Variants in C10orf67 observed in about 807,000 individuals in gnomAD.
The protein encoded by C10orf67 is uncharacterized protein C10orf67, mitochondrial.
C10orf67 carries 60 observed loss-of-function variants against 35.6 expected under a neutral mutation model. That is an observed-to-expected ratio of 1.68 (90% confidence interval 1.37 to 2.09). C10orf67 has a LOEUF of 2.09. C10orf67 is among the 30% of genes most tolerant of loss of function. C10orf67 has a pLI of 0.00. For synonymous variants in C10orf67, 167 were observed against 115.8 expected, an observed-to-expected ratio of 1.44 and a Z score of -2.84; for missense variants, 474 against 330.2, an observed-to-expected ratio of 1.44 and a Z score of -3.38.
At position 23,314,211 on chromosome 10, in the gene C10orf67, C is replaced by T. The variant is rs114097212; in HGVS notation, c.546+6530G>A. Among the ~76,000 whole-genome samples, 579 of 149,778 alleles carry T rather than the reference C, an allele frequency of 3.9e-3. 5 individuals are homozygous for T. Among genetic ancestry groups the T allele is most frequent in the African/African-American group, 0.013 (538 of 40,260 alleles). On this transcript the variant is annotated intron_variant, in intron 4 of 15. Transcript: ENST00000636213. ...TCAAAAACAACAACAACAACGAATA[C>T]CCAAACAACCAAACAACAACAAAAA...
intron 4 of C10orf67, among the ~76,000 whole-genome samples, chr10:23,315,766 C>T (rs1037657731): frequency 1.3e-5 from 2 of 152,000 alleles, no homozygotes; most frequent in African/African-American, 4.8e-5. Context: ...GAAATTCTGA[C>T]TTACTCTCTC....
At chr10:23,291,333 G>A (rs1357326364) in intron 5 of C10orf67, 54 bp from the exon 6 acceptor site, 2 of 682,344 alleles carry the variant, frequency 2.9e-6, no homozygotes. Flanking sequence ...ATTTAAATAT[G>A]CAAGACAAGG....
At chr10:23,307,723 G>A (rs1179430694) in intron 4 of C10orf67, among the ~76,000 whole-genome samples, 1 of 150,260 alleles carries the variant, frequency 6.7e-6, no homozygotes, top group Non-Finnish European at 1.5e-5. Flanking sequence ...TCCCACCTCT[G>A]CCTCCACCTC....
In C10orf67 at chr10:23,243,321, T is replaced by A. The variant is rs377640570; in HGVS notation, c.1347-3505A>T. On this transcript the variant is annotated intron_variant, in intron 12 of 15. Coordinates refer to ENST00000636213, the MANE Select transcript of C10orf67 (RefSeq NM_001371909.1). Reference sequence around the variant, plus strand: ...AAAAAATTAATAAGTATGTAAAAGATGGAAACAACAAAATTAATGGGTTGA... The same window carrying A: ...AAAAAATTAATAAGTATGTAAAAGAAGGAAACAACAAAATTAATGGGTTGA... 1.8e-4 allele frequency among the ~76,000 whole-genome samples: 28 copies of A among 152,298 alleles called. No individual in the cohort carries two copies. The South Asian group carries it at 4.3e-3, about 24-fold the overall frequency.
At chr10:23,207,529 C>T (rs370609857) in intron 15 of C10orf67, among the ~76,000 whole-genome samples, 2 of 152,200 alleles carry the variant, frequency 1.3e-5, no homozygotes, top group African/African-American at 2.4e-5. Flanking sequence ...AACGTCTCAT[C>T]AAATAAATTC....
At chr10:23,239,601 A>G (rs1842128810) in intron 13 of C10orf67, 128 bp downstream of exon 13, 2 of 473,964 alleles carry the variant, frequency 4.2e-6, no homozygotes, top group East Asian at 6.0e-5. Context: ...AGCATCTAGC[A>G]GTGACTGCCT....
intron 15 of C10orf67, among the ~76,000 whole-genome samples, chr10:23,210,918 C>T (rs1466420344): frequency 6.6e-6 from 1 of 152,180 alleles, no homozygotes; most frequent in Non-Finnish European, 1.5e-5. Context: ...GAACTCCTTA[C>T]CCTAAGTCTT....
intron 15 of C10orf67, among the ~76,000 whole-genome samples, chr10:23,212,778 T>TGAGAGAGA (rs58972226): frequency 0.033 from 3,291 of 101,044 alleles, 146 homozygotes; most frequent in South Asian, 0.045. Flanking sequence ...AATATTGTAT[T>TGAGAGAGA]GAGAGAGAGA....
rs542905095 is a variant in C10orf67 at position 23,330,613 on chromosome 10, G to A, written c.327+2449C>T. 3.5e-3 allele frequency among the ~76,000 whole-genome samples: 529 copies of A among 151,846 alleles called. 4 individuals are homozygous for A. Among genetic ancestry groups the A allele is most frequent in the Non-Finnish European group, 6.0e-3 (407 of 67,902 alleles). ...AAATTAGCCGGGCGTGGTGGCCGGC[G>A]CCTGTAGTCCCAGCTACTCGGGAGG... On this transcript the variant is annotated intron_variant, in intron 2 of 15. Transcript: ENST00000636213.
In C10orf67 at chr10:23,319,774, A is replaced by C. The variant is rs142843993; in HGVS notation, c.546+967T>G. Among the ~76,000 whole-genome samples the C allele has an allele frequency of 3.8e-3, 577 of 152,186 alleles. 2 individuals are homozygous for C. Among genetic ancestry groups the C allele is most frequent in the Non-Finnish European group, 6.3e-3 (431 of 67,994 alleles). On this transcript the variant is annotated intron_variant, in intron 4 of 15. Transcript: ENST00000636213. ...AAAGAACAACCTCCTCCAAAATCTC[A>C]CAGCCAACTCACCTTCAGGTCTCAT...
At chr10:23,318,597 G>A in intron 4 of C10orf67, 6 of 306,554 alleles carry the variant, frequency 2.0e-5, no homozygotes, top group Admixed American at 4.8e-5. Context: ...CTCTTGATGG[G>A]AGAGAAACAT....
chr10:23,220,730 C>T (rs111345077), intron 15 of C10orf67, among the ~76,000 whole-genome samples: 2 of 152,004 alleles, frequency 1.3e-5, no homozygotes, highest in African/African-American at 4.8e-5. Context: ...GCAAGAGTAC[C>T]CACCTAATAG....
At chr10:23,300,315 C>G (rs1844028914) in intron 5 of C10orf67, among the ~76,000 whole-genome samples, 1 of 152,174 alleles carries the variant, frequency 6.6e-6, no homozygotes, top group African/African-American at 2.4e-5. Flanking sequence ...ATTTTCCCAG[C>G]TTTTCCCTTT....
chr10:23,219,988 A>C (rs1841535187), intron 15 of C10orf67, among the ~76,000 whole-genome samples: 2 of 152,124 alleles, frequency 1.3e-5, no homozygotes, highest in African/African-American at 4.8e-5. Context: ...TCTAGATGAC[A>C]AAGTGAGACC....
At chr10:23,257,996 T>C (rs1420293298) in intron 10 of C10orf67, among the ~76,000 whole-genome samples, 1 of 152,148 alleles carries the variant, frequency 6.6e-6, no homozygotes, top group Admixed American at 6.5e-5. Context: ...TTTCAATGTG[T>C]GAATACAATT....
At chr10:23,243,706 TTCA>T (rs1842242140) in intron 12 of C10orf67, among the ~76,000 whole-genome samples, 1 of 148,742 alleles carries the variant, frequency 6.7e-6, no homozygotes. Flanking sequence ...AAAAAAAAAA[TTCA>T]TTCTTTTCAA....
At chr10:23,216,260 T>C (rs976182408) in intron 15 of C10orf67, among the ~76,000 whole-genome samples, 6 of 152,208 alleles carry the variant, frequency 3.9e-5, no homozygotes, top group Non-Finnish European at 8.8e-5. Context: ...AATAAACATA[T>C]AAAGAATTAT....
chr10:23,234,832 G>A (rs1407520239), intron 13 of C10orf67, among the ~76,000 whole-genome samples: 1 of 151,788 alleles, frequency 6.6e-6, no homozygotes. Flanking sequence ...GGTCAACATG[G>A]TGAAACCCTG....
intron 12 of C10orf67, among the ~76,000 whole-genome samples, chr10:23,240,192 C>T (rs892048402): frequency 6.6e-6 from 1 of 151,970 alleles, no homozygotes; most frequent in African/African-American, 2.4e-5. Context: ...CCCTGTCTGA[C>T]AAAAAACCAA....
Sources: allele counts gnomAD v4.1 joint callset (sites outside exome capture counted in the v4.1 genomes callset), GRCh38; gene constraint gnomAD v4.1.1; transcripts MANE v1.5; gene names NCBI Gene and HGNC (gene_info 2026-07-23, HGNC 2026-07-21).